The following VPS13A variants were observed in gnomAD, a reference collection of about 807,000 sequenced individuals.
The protein encoded by VPS13A is vacuolar protein sorting 13 homolog A.
In VPS13A, 264 loss-of-function variants were observed where a neutral mutation model predicts 390.9. That is an observed-to-expected ratio of 0.68 (90% CI 0.61 to 0.75). The LOEUF (loss-of-function observed/expected upper bound fraction) is 0.75. Among genes scored for constraint, VPS13A ranks in the 30% least tolerant of loss-of-function variants. The pLI is 0.00. For missense variants in VPS13A, 3,409 were observed against 3,733.9 expected (o/e 0.91, Z 2.27); for synonymous variants, 1,231 against 1,227.1 (o/e 1.00, Z -0.07).
intron 67 of VPS13A, among the ~76,000 whole-genome samples, chr9:77,371,808 TC>T (rs1162742959): frequency 2.5e-5 from 1 of 40,258 alleles, no homozygotes; most frequent in Non-Finnish European, 4.6e-5. Flanking sequence ...CCCTCCCCCC[TC>T]CCCCCTCCCC....
At chr9:77,392,704 C>T (rs1393486889) in intron 68 of VPS13A, among the ~76,000 whole-genome samples, 1 of 150,362 alleles carries the variant, frequency 6.7e-6, no homozygotes, top group South Asian at 2.1e-4. Context: ...ACAATCACGT[C>T]GTTAAAAAAC....
At chr9:77,272,935 A>G (rs778358387) in intron 23 of VPS13A, among the ~76,000 whole-genome samples, 3 of 152,204 alleles carry the variant, frequency 2.0e-5, no homozygotes. Context: ...AAGTTCCTCA[A>G]TTCTAGAGGC....
At chr9:77,327,115 G>C (rs1830055237) in intron 45 of VPS13A, among the ~76,000 whole-genome samples, 1 of 152,134 alleles carries the variant, frequency 6.6e-6, no homozygotes, top group Non-Finnish European at 1.5e-5. Context: ...GGCTTATGTA[G>C]TTTTTTTGTT....
chr9:77,398,833 A>C (rs1256920488), intron 68 of VPS13A, among the ~76,000 whole-genome samples: 4 of 151,698 alleles, frequency 2.6e-5, no homozygotes, highest in Non-Finnish European at 5.9e-5. Flanking sequence ...TACGGTTGGC[A>C]GCCATAAAAA....
intron 17 of VPS13A, among the ~76,000 whole-genome samples, chr9:77,229,244 TA>T (rs1754556392): frequency 6.6e-6 from 1 of 152,050 alleles, no homozygotes; most frequent in South Asian, 2.1e-4. Flanking sequence ...AACACCTTGC[TA>T]ATTTTTAGAA....
At chr9:77,323,288 A>T (rs567153433) in intron 45 of VPS13A, 61 bp downstream of exon 45, 2 of 1,555,800 alleles carry the variant, frequency 1.3e-6, no homozygotes, top group African/African-American at 2.9e-5. Context: ...TAATAAAATT[A>T]AAAACAACAA....
chr9:77,280,920 A>G (rs1384621759), intron 27 of VPS13A, among the ~76,000 whole-genome samples: 1 of 152,186 alleles, frequency 6.6e-6, no homozygotes, highest in African/African-American at 2.4e-5. Flanking sequence ...AAAATGTGGT[A>G]TATATACAAA....
At chr9:77,213,698 C>T (rs554090550) in intron 9 of VPS13A, among the ~76,000 whole-genome samples, 27 of 152,032 alleles carry the variant, frequency 1.8e-4, no homozygotes, top group Admixed American at 1.8e-3. Context: ...GACAAGGTCT[C>T]ACTTTTTGTT....
chr9:77,222,936 A>G (rs370836956), intron 13 of VPS13A, among the ~76,000 whole-genome samples: 37 of 152,220 alleles, frequency 2.4e-4, no homozygotes, highest in African/African-American at 7.5e-4. Context: ...ACATGTGGCC[A>G]GTTGTTCAAA....
intron 33 of VPS13A, among the ~76,000 whole-genome samples, chr9:77,300,540 T>G (rs1828281717): frequency 1.3e-5 from 2 of 152,210 alleles, no homozygotes; most frequent in African/African-American, 4.8e-5. Context: ...GAGACCAGCC[T>G]GGGAAACACG....
At chr9:77,294,865 ATTT>A (rs895086855) in intron 32 of VPS13A, among the ~76,000 whole-genome samples, 2 of 151,884 alleles carry the variant, frequency 1.3e-5, no homozygotes, top group African/African-American at 4.8e-5. Flanking sequence ...GGCCCTGCTA[ATTT>A]TTTATTTTTA....
At chr9:77,257,565 C>T (rs778989878) in intron 22 of VPS13A, among the ~76,000 whole-genome samples, 27 of 151,982 alleles carry the variant, frequency 1.8e-4, no homozygotes, top group Non-Finnish European at 2.8e-4. Context: ...CCAGCCTGGC[C>T]AATGTAGTAA....
chr9:77,361,508 T>G (rs1166328623), intron 59 of VPS13A, among the ~76,000 whole-genome samples: 1 of 152,164 alleles, frequency 6.6e-6, no homozygotes, highest in African/African-American at 2.4e-5. Context: ...TTGGGTTGTT[T>G]ACACATTTTG....
chr9:77,205,184 T>G, intron 3 of VPS13A, 129 bp from the exon 4 acceptor site: 1 of 410,574 alleles, frequency 2.4e-6, no homozygotes, highest in Non-Finnish European at 4.5e-6. Context: ...TTCAATAAAG[T>G]GATTAAACGC....
intron 1 of VPS13A, among the ~76,000 whole-genome samples, chr9:77,195,666 G>C (rs1256046651): frequency 4.6e-5 from 7 of 152,136 alleles, no homozygotes; most frequent in Admixed American, 4.6e-4. Flanking sequence ...GATCCCAGGA[G>C]GCGGAGGTTG....
chr9:77,197,326 G>A (rs906113686), intron 1 of VPS13A, among the ~76,000 whole-genome samples: 10 of 152,070 alleles, frequency 6.6e-5, no homozygotes, highest in African/African-American at 2.4e-4. Flanking sequence ...TCTTCTGTGT[G>A]GTTGTTCTGT....
intron 21 of VPS13A, among the ~76,000 whole-genome samples, chr9:77,251,706 A>G (rs2131270688): frequency 6.6e-6 from 1 of 152,238 alleles, no homozygotes; most frequent in African/African-American, 2.4e-5. Context: ...CAGTTATTTA[A>G]CCATTCCCTT....
rs1257327870 is a variant in VPS13A at position 77,402,362 on chromosome 9, TAC to T, written c.9190-872_9190-871del. Among the ~76,000 whole-genome samples the T allele has an allele frequency of 1.3e-5, 2 of 152,216 alleles. 1 individual carries two copies. The highest frequency in any genetic ancestry group is 2.9e-5 in the Non-Finnish European group (2 of 68,022). On this transcript the variant is annotated intron_variant, in intron 68 of 71. Coordinates refer to ENST00000360280, the MANE Select transcript of VPS13A (RefSeq NM_033305.3). ...AAGCTAAATAATTTTAGTTTTTTGG[TAC>T]AGTTTCATGGAACACAATTTTCTAA... is the stretch of plus-strand genomic sequence containing the variant.
In VPS13A at chr9:77,353,550, G is replaced by C. The variant is rs757517737; in HGVS notation, c.7561G>C (p.Glu2521Gln). The C allele has an allele frequency of 6.2e-7, 1 of 1,613,532 alleles. No homozygotes were observed. Among genetic ancestry groups the C allele is most frequent in the East Asian group, 2.2e-5 (1 of 44,782 alleles). ...TYESEKAELA[E>Q]QEIAVALQDV... is the part of the protein sequence containing the mutation. Reference sequence around the variant, plus strand: ...TGAAAGTGAGAAAGCAGAGTTAGCAGAGCAAGAAATTGCAGTGGCATTACA... The same window carrying C: ...TGAAAGTGAGAAAGCAGAGTTAGCACAGCAAGAAATTGCAGTGGCATTACA... Residue 2521 changes from glutamate to glutamine, a missense_variant, in exon 54 of 72, where the codon GAG (glutamate) becomes CAG (glutamine). Physicochemically the swap from Glu to Gln is conservative, Grantham distance 29. Transcript: ENST00000360280.
Sources: allele counts gnomAD v4.1 joint callset (sites outside exome capture counted in the v4.1 genomes callset), GRCh38; gene constraint gnomAD v4.1.1; transcripts MANE v1.5; gene names NCBI Gene and HGNC (gene_info 2026-07-23, HGNC 2026-07-21).